The following ARHGEF10 variants were observed in gnomAD, a reference collection of about 807,000 sequenced individuals.
ARHGEF10 encodes the protein Rho guanine nucleotide exchange factor (GEF) 10.
Under a neutral mutation model 147.4 loss-of-function variants are expected in ARHGEF10, and 140 were observed. The observed-to-expected ratio is 0.95, with a 90% CI of 0.83 to 1.09. ARHGEF10 has a LOEUF of 1.09. Ranked by LOEUF, ARHGEF10 falls within the 50% of genes least tolerant of loss-of-function variation. The pLI, the probability that ARHGEF10 is intolerant of heterozygous loss-of-function variation, is 0.00. For missense variants in ARHGEF10, 2,222 were observed against 1,752.7 expected (o/e 1.27, Z -4.78); for synonymous variants, 902 against 695.8 (o/e 1.30, Z -4.67).
chr8:1,944,105 C>T (rs1291370975), intron 26 of ARHGEF10, among the ~76,000 whole-genome samples: 6 of 150,978 alleles, frequency 4.0e-5, no homozygotes, highest in South Asian at 2.1e-4. Flanking sequence ...CCCAGCCTCC[C>T]GCACTGTGTC....
At chr8:1,956,246 C>G (rs143041886) in intron 28 of ARHGEF10, among the ~76,000 whole-genome samples, 2 of 152,274 alleles carry the variant, frequency 1.3e-5, no homozygotes, top group African/African-American at 2.4e-5. Flanking sequence ...ACTGAAAGTC[C>G]TAATTTTAAT....
chr8:1,888,126 A>AG (rs201407720), intron 11 of ARHGEF10, among the ~76,000 whole-genome samples: 1 of 69,388 alleles, frequency 1.4e-5, no homozygotes. Flanking sequence ...TAGTGGGGTG[A>AG]GGGTTTGCGA....
chr8:1,923,114 C>G lies in ARHGEF10; in HGVS notation c.2259+35C>G, dbSNP rs1365410858. On this transcript the variant is annotated intron_variant, in intron 19 of 28. Transcript: ENST00000349830. The stretch of plus-strand genomic sequence containing the variant: ...GAAGCAATTGGATTTAAGATTCTGC[C>G]TTTACTTATAAGTCATTGTAAGTAT... 4 of 1,454,846 alleles carry G rather than the reference C, an allele frequency of 2.7e-6. No homozygotes were observed. In the African/African-American group the frequency reaches 4.2e-5, roughly 15 times the overall value. 90.1% of individuals were successfully genotyped at this position (1,454,846 alleles called of 1,614,324 possible).
chr8:1,950,324 G>A (rs894656766), intron 27 of ARHGEF10, among the ~76,000 whole-genome samples: 3 of 152,138 alleles, frequency 2.0e-5, no homozygotes, highest in Non-Finnish European at 4.4e-5. Flanking sequence ...CTCTGGAATC[G>A]GAAAATGACC....
chr8:1,894,318 G>C, intron 12 of ARHGEF10, 75 bp from the exon 13 acceptor site: 1 of 1,527,230 alleles, frequency 6.5e-7, no homozygotes, highest in Non-Finnish European at 9.0e-7. Flanking sequence ...CCACTGCGCT[G>C]CACCCTGGAC....
chr8:1,892,110 G>T (rs1025209126), intron 11 of ARHGEF10, among the ~76,000 whole-genome samples: 1 of 151,744 alleles, frequency 6.6e-6, no homozygotes, highest in Non-Finnish European at 1.5e-5. Context: ...CCTTGGGAGA[G>T]TGTTTGGGAA....
At chr8:1,921,870 C>G (rs1376861297) in intron 18 of ARHGEF10, among the ~76,000 whole-genome samples, 1 of 152,226 alleles carries the variant, frequency 6.6e-6, no homozygotes, top group Non-Finnish European at 1.5e-5. Context: ...TGCTGAAACA[C>G]AAGGCACTTT....
In ARHGEF10 at chr8:1,957,657, A is replaced by G. The variant is rs6991392; in HGVS notation, c.*394A>G. The G allele has an allele frequency of 0.38, 74,755 of 197,908 alleles. 14,149 individuals are homozygous for G. Among genetic ancestry groups the G allele is most frequent in the East Asian group, 0.58 (4,224 of 7,312 alleles). The allele number at this position is 197,908 out of a possible 1,614,324, so 12.3% of individuals were successfully genotyped here. On this transcript the variant is annotated 3_prime_UTR_variant, in exon 29 of 29. Transcript: ENST00000349830. ...AATTTATGAGAAAATATATGTATTC[A>G]GTAGTGCAGGCATTTATTAACAATT...
In ARHGEF10 at chr8:1,921,703, G is replaced by A. The variant is rs192792391; in HGVS notation, c.2144-1261G>A. 8.6e-5 allele frequency among the ~76,000 whole-genome samples: 13 copies of A among 151,808 alleles called. No homozygotes were observed. The South Asian group carries it at 1.0e-3, about 12-fold the overall frequency. On this transcript the variant is annotated intron_variant, in intron 18 of 28. Coordinates refer to ENST00000349830, the MANE Select transcript of ARHGEF10 (RefSeq NM_014629.4). ...TGAGCTGAGATCGTGCCATCGCACTGCAGCCTGGGGGACAAGAGCGACACT... is the reference window on the plus strand; with the variant it reads ...TGAGCTGAGATCGTGCCATCGCACTACAGCCTGGGGGACAAGAGCGACACT...
intron 1 of ARHGEF10, among the ~76,000 whole-genome samples, chr8:1,842,696 G>A (rs10112549): frequency 0.093 from 14,161 of 152,220 alleles, 709 homozygotes; most frequent in Non-Finnish European, 0.1. Context: ...AGCCAGGCCC[G>A]TGTTTTGTGG....
intron 1 of ARHGEF10, among the ~76,000 whole-genome samples, chr8:1,826,784 C>G (rs924667443): frequency 1.3e-5 from 2 of 152,190 alleles, no homozygotes; most frequent in African/African-American, 2.4e-5. Flanking sequence ...AAGAACAGCT[C>G]GGATCTGGAG....
chr8:1,880,124 T>C lies in ARHGEF10; in HGVS notation c.920T>C (p.Val307Ala). The change falls in exon 9 of 29, where the codon GTG (valine) becomes GCG (alanine). Residue 307 changes from valine to alanine, a missense_variant. Physicochemically the swap from Val to Ala is moderately conservative, Grantham distance 64. Coordinates refer to ENST00000349830, the MANE Select transcript of ARHGEF10 (RefSeq NM_014629.4). ...MRDLMASTVG[V>A]VEIQQLRQKH... ...GATTTGATGGCAAGCACGGTGGGCG[T>C]GGTGGAGATTCAGCAGCTCAGGCAG... 6.2e-7 allele frequency: 1 copy of C among 1,613,990 alleles called. No homozygotes were observed. Among genetic ancestry groups the C allele is most frequent in the Non-Finnish European group, 8.5e-7 (1 of 1,179,984 alleles).
At chr8:1,853,428 A>C (rs1805299799) in intron 2 of ARHGEF10, among the ~76,000 whole-genome samples, 1 of 152,232 alleles carries the variant, frequency 6.6e-6, no homozygotes, top group South Asian at 2.1e-4. Flanking sequence ...GTCGTCTCAA[A>C]CTACAACACG....
chr8:1,889,404 G>A (rs1347046151), intron 11 of ARHGEF10, among the ~76,000 whole-genome samples: 1 of 83,518 alleles, frequency 1.2e-5, no homozygotes, highest in African/African-American at 5.6e-5. Context: ...TGAGGCATCT[G>A]TGAGGAGACA....
chr8:1,885,897 C>T (rs548994556), intron 11 of ARHGEF10, among the ~76,000 whole-genome samples, 190 bp downstream of exon 11: 4 of 152,290 alleles, frequency 2.6e-5, no homozygotes, highest in Admixed American at 6.5e-5. Context: ...TCTGGGGGGA[C>T]GCTGGTCAGC....
chr8:1,842,301 T>C (rs13282229), intron 1 of ARHGEF10, among the ~76,000 whole-genome samples: 63,261 of 151,956 alleles, frequency 0.42, 13,566 homozygotes, highest in South Asian at 0.51. Flanking sequence ...AAGTAGTGTC[T>C]GTCTGCTTCT....
chr8:1,842,463 G>A lies in ARHGEF10; in HGVS notation c.-47-890G>A, dbSNP rs541105328. 7.3e-4 allele frequency among the ~76,000 whole-genome samples: 111 copies of A among 152,312 alleles called. 1 individual carries two copies. The highest frequency in any genetic ancestry group is 1.0e-4 in the Non-Finnish European group (7 of 68,026). ...CCTCATTGAATAGTACGTGAGGCCG[G>A]TGACCACCCTGGGCATGGGCCCGCC... On this transcript the variant is annotated intron_variant, in intron 1 of 28. Transcript: ENST00000349830.
chr8:1,897,414 G>A (rs962711305), intron 14 of ARHGEF10, among the ~76,000 whole-genome samples: 1 of 149,934 alleles, frequency 6.7e-6, no homozygotes, highest in Non-Finnish European at 1.5e-5. Flanking sequence ...GACAGCTGTG[G>A]GCTCTGTCCT....
chr8:1,921,512 G>C (rs1301052263), intron 18 of ARHGEF10, among the ~76,000 whole-genome samples: 1 of 152,312 alleles, frequency 6.6e-6, no homozygotes, highest in East Asian at 1.9e-4. Context: ...TGGATCACCT[G>C]AGGTCAGGAG....
Sources: gnomAD v4.1 joint callset for allele counts (sites outside exome capture counted in the v4.1 genomes callset) on GRCh38, gnomAD v4.1.1 for gene constraint, MANE v1.5 for transcripts, NCBI Gene and HGNC (gene_info 2026-07-23, HGNC 2026-07-21) for gene names.